The following NCAM1 variants were observed in gnomAD, a reference collection of about 807,000 sequenced individuals.
The protein encoded by NCAM1 is antigen recognized by monoclonal antibody 5.1H11.
In NCAM1, 14 loss-of-function variants were observed where a neutral mutation model predicts 109.8. The observed-to-expected ratio is 0.13, with a 90% CI of 0.08 to 0.20. NCAM1 has a LOEUF of 0.20. NCAM1 is among the 10% of genes least tolerant of loss of function. The pLI, the probability that NCAM1 is intolerant of heterozygous loss-of-function variation, is 1.00. For synonymous variants in NCAM1, 418 were observed against 442.9 expected (o/e 0.94, Z 0.70); for missense variants, 774 against 1,109.9 (o/e 0.70, Z 4.30).
chr11:113,057,492 A>G (rs1302920436), intron 1 of NCAM1, among the ~76,000 whole-genome samples: 1 of 152,174 alleles, frequency 6.6e-6, no homozygotes, highest in Non-Finnish European at 1.5e-5. Flanking sequence ...TAGAGGGACA[A>G]CTATGGCTTC....
intron 1 of NCAM1, among the ~76,000 whole-genome samples, chr11:113,085,216 A>C (rs1939024999): frequency 6.6e-6 from 1 of 152,230 alleles, no homozygotes; most frequent in Admixed American, 6.5e-5. Context: ...CCTGTCTGCA[A>C]ACAGCTGTAC....
At chr11:113,151,360 G>A (rs782031161) in intron 1 of NCAM1, among the ~76,000 whole-genome samples, 1 of 152,218 alleles carries the variant, frequency 6.6e-6, no homozygotes, top group Non-Finnish European at 1.5e-5. Context: ...CGGAGCTCAA[G>A]AGAGAAAATA....
intron 1 of NCAM1, among the ~76,000 whole-genome samples, chr11:113,056,020 T>A (rs1273168938): frequency 8.7e-6 from 1 of 115,060 alleles, no homozygotes; most frequent in South Asian, 2.7e-4. Flanking sequence ...TATATATATA[T>A]ATATAAAATA....
intron 1 of NCAM1, among the ~76,000 whole-genome samples, chr11:113,185,910 T>C (rs782455787): frequency 1.2e-4 from 18 of 152,238 alleles, no homozygotes; most frequent in Non-Finnish European, 2.5e-4. Flanking sequence ...CAAGGAAATC[T>C]ATTTTTAACA....
chr11:113,180,948 C>T (rs147447472), intron 1 of NCAM1, among the ~76,000 whole-genome samples: 224 of 152,344 alleles, frequency 1.5e-3, no homozygotes, highest in Non-Finnish European at 2.7e-3. Flanking sequence ...CACAGTTAAA[C>T]GCTTCGGTGT....
chr11:113,056,008 TATATATATATATATATAAA>T (rs1357584097), intron 1 of NCAM1, among the ~76,000 whole-genome samples: 4 of 120,066 alleles, frequency 3.3e-5, no homozygotes, highest in Non-Finnish European at 6.8e-5. Flanking sequence ...TATATATATA[TATATATATATATATATAAA>T]ATATATATAT....
intron 7 of NCAM1, among the ~76,000 whole-genome samples, chr11:113,209,289 T>C (rs1591420300): frequency 6.6e-6 from 1 of 152,206 alleles, no homozygotes; most frequent in Admixed American, 6.5e-5. Flanking sequence ...CAAGACTTTA[T>C]ATGCAAATGT....
chr11:113,056,203 G>A (rs1953708067), intron 1 of NCAM1, among the ~76,000 whole-genome samples: 1 of 151,296 alleles, frequency 6.6e-6, no homozygotes, highest in Non-Finnish European at 1.5e-5. Flanking sequence ...ATCTCATGGA[G>A]GTAGAGAGTA....
intron 1 of NCAM1, among the ~76,000 whole-genome samples, chr11:112,966,199 T>C (rs1950723730): frequency 6.6e-6 from 1 of 152,178 alleles, no homozygotes; most frequent in African/African-American, 2.4e-5. Flanking sequence ...GGGTTACAAA[T>C]TACACAAAAT....
chr11:113,155,268 A>G (rs2136302413), intron 1 of NCAM1, among the ~76,000 whole-genome samples: 1 of 152,292 alleles, frequency 6.6e-6, no homozygotes, highest in South Asian at 2.1e-4. Context: ...CTGTAATCCC[A>G]GCACTTTGGG....
chr11:113,153,136 G>C (rs144422252), intron 1 of NCAM1, among the ~76,000 whole-genome samples: 2,390 of 151,774 alleles, frequency 0.016, 61 homozygotes, highest in African/African-American at 0.054. Context: ...TCCGCCTCCC[G>C]GGTTCAAGTG....
intron 1 of NCAM1, among the ~76,000 whole-genome samples, chr11:113,095,643 G>A (rs1486770422): frequency 7.2e-5 from 11 of 152,204 alleles, no homozygotes; most frequent in Non-Finnish European, 1.5e-4. Flanking sequence ...AATAGCTGAC[G>A]TTTTCTGAGT....
At chr11:112,973,694 A>G (rs926950577) in intron 1 of NCAM1, among the ~76,000 whole-genome samples, 1 of 152,142 alleles carries the variant, frequency 6.6e-6, no homozygotes, top group African/African-American at 2.4e-5. Flanking sequence ...TGTCTGGCAC[A>G]TAGTGAGCTC....
chr11:113,151,388 C>T (rs1942218680), intron 1 of NCAM1, among the ~76,000 whole-genome samples: 2 of 152,320 alleles, frequency 1.3e-5, no homozygotes, highest in South Asian at 4.1e-4. Flanking sequence ...ATTGAATTGA[C>T]CATCTTCGTG....
intron 1 of NCAM1, among the ~76,000 whole-genome samples, chr11:113,107,023 C>T (rs951406838): frequency 2.0e-5 from 3 of 152,172 alleles, no homozygotes; most frequent in Non-Finnish European, 2.9e-5. Flanking sequence ...ATATTTGCAA[C>T]TTTCAATTCA....
At chr11:112,999,392 T>C (rs896217999) in intron 1 of NCAM1, among the ~76,000 whole-genome samples, 2 of 152,164 alleles carry the variant, frequency 1.3e-5, no homozygotes, top group Admixed American at 6.5e-5. Context: ...AGTTAAAAGA[T>C]GGTTCATGTT....
chr11:113,174,621 C>T (rs1943092778), intron 1 of NCAM1, among the ~76,000 whole-genome samples: 1 of 152,186 alleles, frequency 6.6e-6, no homozygotes, highest in East Asian at 1.9e-4. Flanking sequence ...TCTGACCACC[C>T]ATGGCTAGTA....
chr11:113,266,323 C>T (rs1555124399), intron 17 of NCAM1, among the ~76,000 whole-genome samples: 4 of 152,204 alleles, frequency 2.6e-5, no homozygotes, highest in African/African-American at 9.7e-5. Flanking sequence ...AAGCCACAAA[C>T]ATTCTCTTCC....
At chr11:113,266,460 G>T (rs1946135335) in intron 17 of NCAM1, among the ~76,000 whole-genome samples, 2 of 152,058 alleles carry the variant, frequency 1.3e-5, no homozygotes, top group South Asian at 4.2e-4. Flanking sequence ...GGTCAAGTTT[G>T]TTTTCAGGGT....
Sources: allele counts gnomAD v4.1 joint callset (sites outside exome capture counted in the v4.1 genomes callset), GRCh38; gene constraint gnomAD v4.1.1; transcripts MANE v1.5; gene names NCBI Gene and HGNC (gene_info 2026-07-23, HGNC 2026-07-21).